The following SULT1B1 variants were observed in gnomAD, a reference collection of about 807,000 sequenced individuals.
SULT1B1 encodes sulfotransferase family 1B member 1, also known as sulfotransferase 1B1.
A neutral mutation model predicts 34.6 loss-of-function variants in SULT1B1; 28 were observed. The observed-to-expected ratio is 0.81, with a 90% CI of 0.60 to 1.11. The LOEUF (loss-of-function observed/expected upper bound fraction) is 1.11, where lower values mean the gene tolerates loss of function less well. SULT1B1 is among the 50% of genes least tolerant of loss of function. The pLI is 0.00. For missense variants in SULT1B1, 374 were observed against 352.2 expected (o/e 1.06, Z -0.50); for synonymous variants, 147 against 110.2 (o/e 1.33, Z -2.09).
intron 4 of SULT1B1, among the ~76,000 whole-genome samples, chr4:69,745,446 T>A (rs1224216497): frequency 6.6e-6 from 1 of 152,244 alleles, no homozygotes; most frequent in Non-Finnish European, 1.5e-5. Context: ...GAATCTTTTA[T>A]CATTGTATAA....
At chr4:69,738,914 A>G (rs2110022125) in intron 4 of SULT1B1, among the ~76,000 whole-genome samples, 1 of 152,312 alleles carries the variant, frequency 6.6e-6, no homozygotes, top group Admixed American at 6.5e-5. Flanking sequence ...AAGGGGCTAG[A>G]GGCTCCATTC....
In SULT1B1 at chr4:69,741,694, G is replaced by A. The variant is rs572904937; in HGVS notation, c.376-7430C>T. Among the ~76,000 whole-genome samples, 8 of 152,168 alleles carry A rather than the reference G, an allele frequency of 5.3e-5. No homozygotes were observed. The South Asian group carries it at 1.2e-3, about 24-fold the overall frequency. ...TTGGCTCTCAAGTTGGACGTTATTGGCATATATAAATGCTACTGATTTTTA... is the reference window on the plus strand; with the variant it reads ...TTGGCTCTCAAGTTGGACGTTATTGACATATATAAATGCTACTGATTTTTA... On this transcript the variant is annotated intron_variant, in intron 4 of 7. Coordinates refer to ENST00000310613, the MANE Select transcript of SULT1B1 (RefSeq NM_014465.4).
intron 1 of SULT1B1, among the ~76,000 whole-genome samples, chr4:69,759,710 T>A (rs908976760): frequency 1.3e-5 from 2 of 152,206 alleles, no homozygotes; most frequent in African/African-American, 4.8e-5. Context: ...GATTTATGAA[T>A]GACATTTACT....
At position 69,741,030 on chromosome 4, in the gene SULT1B1, C is replaced by A. The variant is rs577205859; in HGVS notation, c.376-6766G>T. On this transcript the variant is annotated intron_variant, in intron 4 of 7. Transcript: ENST00000310613. ...TTTTTATAGTTTTTGGTAATACATT[C>A]AAGTCTTTAATCAATCTTCAGTTAA... 9.2e-4 allele frequency among the ~76,000 whole-genome samples: 140 copies of A among 152,158 alleles called. 1 individual carries two copies. Among genetic ancestry groups the A allele is most frequent in the Middle Eastern group, 3.4e-3 (1 of 294 alleles).
Position 69,745,405 on chromosome 4 carries a change from A to C in SULT1B1, c.375+4316T>G, listed in dbSNP as rs180960932. ...ATGCTCTAAAGTTGGATGCATATGT[A>C]TTTAGAACAGTTACACCTTCTTGTT... On this transcript the variant is annotated intron_variant, in intron 4 of 7. Coordinates refer to ENST00000310613, the MANE Select transcript of SULT1B1 (RefSeq NM_014465.4). 2.6e-5 allele frequency among the ~76,000 whole-genome samples: 4 copies of C among 152,316 alleles called. No individual in the cohort carries two copies. In the East Asian group the frequency reaches 5.8e-4, roughly 22 times the overall value.
rs1717725630 is a variant in SULT1B1, at chr4:69,723,841, C to A, written c.*3247G>T. 6.6e-6 allele frequency: 1 copy of A among 152,196 alleles called. No homozygotes were observed. Among genetic ancestry groups the A allele is most frequent in the African/African-American group, 2.4e-5 (1 of 41,454 alleles). The allele number at this position is 152,196 out of a possible 1,614,324, so 9.4% of individuals were successfully genotyped here. A position where few individuals can be genotyped will look rare whatever the true frequency, so the allele number is the denominator to read the frequency against. On this transcript the variant is annotated 3_prime_UTR_variant, in exon 8 of 8. Coordinates refer to ENST00000310613, the MANE Select transcript of SULT1B1 (RefSeq NM_014465.4). ...AATTCAACAGCCTTCATGCTAAAAA[C>A]TCTCAATAAATTAGGTATTGATGGA...
At chr4:69,728,333 T>G (rs1717919917) in intron 7 of SULT1B1, among the ~76,000 whole-genome samples, 1 of 152,102 alleles carries the variant, frequency 6.6e-6, no homozygotes, top group Admixed American at 6.6e-5. Context: ...TGTTATAATT[T>G]AGGACATACG....
intron 2 of SULT1B1, 72 bp downstream of exon 2, chr4:69,754,998 T>TC: frequency 7.2e-7 from 1 of 1,380,564 alleles, no homozygotes; most frequent in South Asian, 1.2e-5. Context: ...TGGTAATGAT[T>TC]TTATGGACAA....
Position 69,727,084 on chromosome 4 carries a change from C to A in SULT1B1, c.*4G>T. ...TATTTCTTCAGATGTGTGATTTAGA[C>A]ACTTTAAATCTCTGTGCGGAATTGA... On this transcript the variant is annotated 3_prime_UTR_variant, in exon 8 of 8. Transcript: ENST00000310613. 6.3e-7 allele frequency: 1 copy of A among 1,587,442 alleles called. No individual in the cohort carries two copies. The highest frequency in any genetic ancestry group is 1.1e-5 in the South Asian group (1 of 87,398).
In SULT1B1 at chr4:69,730,696, A is replaced by C. The variant is rs776367282; in HGVS notation, c.598-15T>G. 2 of 1,602,646 alleles carry C rather than the reference A, an allele frequency of 1.2e-6. No homozygotes were observed. The highest frequency in any genetic ancestry group is 2.2e-5 in the South Asian group (2 of 89,284). On this transcript the variant is annotated splice_polypyrimidine_tract_variant and intron_variant, in intron 6 of 7. Coordinates refer to ENST00000310613, the MANE Select transcript of SULT1B1 (RefSeq NM_014465.4). ...TCCTTTGGATTCTATTAGTGGGTAAAACCCAAGACAATAAACAAGTAACTC... is the reference window on the plus strand; with the variant it reads ...TCCTTTGGATTCTATTAGTGGGTAACACCCAAGACAATAAACAAGTAACTC...
intron 1 of SULT1B1, among the ~76,000 whole-genome samples, chr4:69,755,563 T>C (rs1719157018): frequency 6.6e-6 from 1 of 152,182 alleles, no homozygotes; most frequent in Non-Finnish European, 1.5e-5. Flanking sequence ...CAATCTGACT[T>C]AAGGCAAAAT....
intron 4 of SULT1B1, among the ~76,000 whole-genome samples, chr4:69,736,605 A>G (rs1718322744): frequency 6.6e-6 from 1 of 152,240 alleles, no homozygotes; most frequent in Non-Finnish European, 1.5e-5. Flanking sequence ...AAATTGAAAA[A>G]AAATTTAAAA....
intron 1 of SULT1B1, among the ~76,000 whole-genome samples, chr4:69,757,646 T>C (rs1018248775): frequency 6.6e-6 from 1 of 152,174 alleles, no homozygotes; most frequent in African/African-American, 2.4e-5. Context: ...TCATTTTATA[T>C]TGTAAGATGT....
At position 69,749,791 on chromosome 4, in the gene SULT1B1, G is replaced by A. The variant is rs143204643; in HGVS notation, c.305C>T (p.Ser102Leu). 2.5e-6 allele frequency: 4 copies of A among 1,613,420 alleles called. No individual in the cohort carries two copies. The African/African-American group carries it at 5.3e-5, about 22-fold the overall frequency. The change falls in exon 4 of 8, where the codon TCA becomes TTA. Residue 102 changes from serine (S) to leucine (L), a missense_variant. Coordinates refer to ENST00000310613, the MANE Select transcript of SULT1B1 (RefSeq NM_014465.4). ...SGIEQLEKNP[S>L]PRIVKTHLPT... ...TAGATGTGTTTTCACAATCCGGGGT[G>A]ATGGATTCTTCTCCAATTGTTCTAT...
intron 3 of SULT1B1, among the ~76,000 whole-genome samples, chr4:69,751,371 T>C (rs1453126500): frequency 6.6e-6 from 1 of 152,238 alleles, no homozygotes; most frequent in African/African-American, 2.4e-5. Flanking sequence ...GTGAGTCTTT[T>C]AATGAACCCT....
chr4:69,728,663 T>TGGAA (rs1042693448), intron 7 of SULT1B1, among the ~76,000 whole-genome samples: 55 of 124,658 alleles, frequency 4.4e-4, no homozygotes, highest in African/African-American at 1.6e-3. Context: ...AACGGAAGAA[T>TGGAA]GGAAGGAAGG....
chr4:69,749,159 A>G (rs1418566099), intron 4 of SULT1B1, among the ~76,000 whole-genome samples: 1 of 152,116 alleles, frequency 6.6e-6, no homozygotes, highest in Non-Finnish European at 1.5e-5. Context: ...CAGGAACAAA[A>G]CAGGGTATCA....
intron 4 of SULT1B1, among the ~76,000 whole-genome samples, chr4:69,741,590 G>C (rs867845615): frequency 6.6e-6 from 1 of 152,056 alleles, no homozygotes; most frequent in Non-Finnish European, 1.5e-5. Flanking sequence ...TCATTGTAGA[G>C]ATCTTTTACC....
At chr4:69,754,367 TTAGGAAC>T (rs1317882939) in intron 3 of SULT1B1, among the ~76,000 whole-genome samples, 1 of 152,154 alleles carries the variant, frequency 6.6e-6, no homozygotes. Flanking sequence ...AAGTCCTAAA[TTAGGAAC>T]TTACTAATCT....
Sources: allele counts gnomAD v4.1 joint callset (sites outside exome capture counted in the v4.1 genomes callset), GRCh38; gene constraint gnomAD v4.1.1; transcripts MANE v1.5; gene names NCBI Gene and HGNC (gene_info 2026-07-23, HGNC 2026-07-21).